Variants in ROBO2 observed in about 807,000 individuals in gnomAD.
ROBO2 encodes roundabout guidance receptor 2.
In ROBO2, 53 loss-of-function variants were observed where a neutral mutation model predicts 160.8. That is an observed-to-expected ratio of 0.33 (90% CI 0.26 to 0.41). The LOEUF is 0.41. Ranked by LOEUF, ROBO2 falls within the 10% of genes least tolerant of loss-of-function variation. The pLI, the probability that ROBO2 is intolerant of heterozygous loss-of-function variation, is 1.00. For synonymous variants in ROBO2, 664 were observed against 611.7 expected, an observed-to-expected ratio of 1.09 and a Z score of -1.26; for missense variants, 1,577 against 1,722.4, an observed-to-expected ratio of 0.92 and a Z score of 1.49.
At chr3:77,510,038 G>T (rs943699782) in intron 5 of ROBO2, among the ~76,000 whole-genome samples, 2 of 151,966 alleles carry the variant, frequency 1.3e-5, no homozygotes, top group African/African-American at 2.4e-5. Context: ...GAATTCTGGG[G>T]TATAGTTGAG....
intron 2 of ROBO2, among the ~76,000 whole-genome samples, chr3:77,238,573 CTA>C (rs1310286458): frequency 1.3e-5 from 2 of 152,038 alleles, no homozygotes; most frequent in Admixed American, 1.3e-4. Flanking sequence ...AAAAATATTT[CTA>C]TGAGGAACAT....
At chr3:77,317,454 G>T (rs925091224) in intron 2 of ROBO2, 40 of 1,520,276 alleles carry the variant, frequency 2.6e-5, no homozygotes, top group Admixed American at 8.5e-5. Context: ...CGTCACTTTG[G>T]TGGTCTCAGT....
rs2153702946 is a variant in ROBO2 at position 77,617,542 on chromosome 3, T to G, written c.3323T>G (p.Leu1108Trp). The G allele has an allele frequency of 6.2e-7, 1 of 1,614,168 alleles. No homozygotes were observed. The highest frequency in any genetic ancestry group is 8.5e-7 in the Non-Finnish European group (1 of 1,180,002). The stretch of plus-strand genomic sequence containing the variant: ...GACAGTGATAGCTGGTGCCCACCAT[T>G]GCCAGTACAAACTTACTTACACCAA... The change falls in exon 22 of 26, where the codon TTG becomes TGG. Residue 1108 changes from leucine (L) to tryptophan (W), a missense_variant. Physicochemically the swap from Leu to Trp is moderately conservative, Grantham distance 61 (BLOSUM62 -2). Coordinates refer to ENST00000461745, the Ensembl canonical transcript of ROBO2.
chr3:76,989,688 A>C (rs1328762647), intron 2 of ROBO2, among the ~76,000 whole-genome samples: 1 of 152,104 alleles, frequency 6.6e-6, no homozygotes, highest in Non-Finnish European at 1.5e-5. Context: ...TTTTCACCCT[A>C]TTACATTTCC....
At chr3:76,018,112 G>A (rs990614090) in intron 2 of ROBO2, among the ~76,000 whole-genome samples, 6 of 151,838 alleles carry the variant, frequency 4.0e-5, no homozygotes, top group African/African-American at 1.4e-4. Context: ...TAGCAAATGG[G>A]GGATAGATGG....
In ROBO2 at chr3:77,634,851, C is replaced by A. The variant is rs781556883; in HGVS notation, c.3761-19C>A. 25 of 1,612,650 alleles carry A rather than the reference C, an allele frequency of 1.6e-5. No individual in the cohort carries two copies. In the South Asian group the frequency reaches 2.6e-4, roughly 17 times the overall value. ...ATAATGTCATTCTCTAGAACCCATT[C>A]CCTTTATTTTCATTTTAGGAAAAGC... On this transcript the variant is annotated intron_variant, in intron 23 of 25. Coordinates refer to ENST00000461745, the Ensembl canonical transcript of ROBO2.
intron 2 of ROBO2, among the ~76,000 whole-genome samples, chr3:76,877,698 T>A (rs1249751011): frequency 6.6e-6 from 1 of 152,182 alleles, no homozygotes; most frequent in Non-Finnish European, 1.5e-5. Flanking sequence ...CCATAGCAAA[T>A]TACCATAGAC....
At chr3:77,490,375 C>G (rs375113997) in intron 4 of ROBO2, among the ~76,000 whole-genome samples, 1 of 152,216 alleles carries the variant, frequency 6.6e-6, no homozygotes, top group East Asian at 1.9e-4. Flanking sequence ...CAGGCGTGAG[C>G]CACCACGCCC....
intron 2 of ROBO2, among the ~76,000 whole-genome samples, chr3:76,532,520 A>G (rs2108075782): frequency 6.6e-6 from 1 of 152,330 alleles, no homozygotes; most frequent in African/African-American, 2.4e-5. Context: ...TAACTTTTCA[A>G]GAATGATACA....
At chr3:77,373,434 C>G (rs2153478709) in intron 2 of ROBO2, among the ~76,000 whole-genome samples, 1 of 151,896 alleles carries the variant, frequency 6.6e-6, no homozygotes, top group East Asian at 1.9e-4. Flanking sequence ...GTATATCTGT[C>G]TGTCTATCTA....
chr3:76,108,953 TATG>T (rs2070083819), intron 2 of ROBO2, among the ~76,000 whole-genome samples: 2 of 150,592 alleles, frequency 1.3e-5, no homozygotes, highest in Non-Finnish European at 2.9e-5. Context: ...TATAAGGTTA[TATG>T]ATAATAATTT....
chr3:77,006,271 T>C (rs1479268097), intron 2 of ROBO2, among the ~76,000 whole-genome samples: 2 of 151,326 alleles, frequency 1.3e-5, no homozygotes, highest in Non-Finnish European at 2.9e-5. Context: ...ATAATGTATA[T>C]ACTGGCCAAA....
intron 2 of ROBO2, among the ~76,000 whole-genome samples, chr3:77,395,092 G>T (rs1025181145): frequency 6.6e-6 from 1 of 152,232 alleles, no homozygotes; most frequent in South Asian, 2.1e-4. Flanking sequence ...TAACGGAAGA[G>T]TTCAGAGCGT....
At chr3:76,288,483 T>TC (rs1441036270) in intron 2 of ROBO2, among the ~76,000 whole-genome samples, 1 of 145,316 alleles carries the variant, frequency 6.9e-6, no homozygotes, top group Non-Finnish European at 1.5e-5. Flanking sequence ...AGACTAGATC[T>TC]TTTTTTTTTT....
intron 2 of ROBO2, among the ~76,000 whole-genome samples, chr3:76,805,835 A>T (rs1228589205): frequency 6.6e-6 from 1 of 151,948 alleles, no homozygotes; most frequent in African/African-American, 2.4e-5. Flanking sequence ...TTGGTGTCTT[A>T]AATTAAAGTC....
At chr3:77,223,535 G>A (rs1156295256) in intron 2 of ROBO2, among the ~76,000 whole-genome samples, 2 of 152,014 alleles carry the variant, frequency 1.3e-5, no homozygotes, top group African/African-American at 4.8e-5. Context: ...CACCTACTCT[G>A]TTCCATGCAA....
At chr3:76,205,380 G>A (rs531293783) in intron 2 of ROBO2, among the ~76,000 whole-genome samples, 33 of 152,214 alleles carry the variant, frequency 2.2e-4, no homozygotes, top group African/African-American at 7.9e-4. Context: ...AAAGAGAAAA[G>A]TCAGTGGGCA....
intron 2 of ROBO2, among the ~76,000 whole-genome samples, chr3:76,407,036 G>A (rs1311380571): frequency 2.2e-5 from 3 of 134,904 alleles, no homozygotes; most frequent in South Asian, 2.5e-4. Context: ...ACTACTTTAC[G>A]CCTTGCTTAC....
chr3:77,187,186 ATAGGT>A (rs2081363803), intron 2 of ROBO2, among the ~76,000 whole-genome samples: 2 of 152,026 alleles, frequency 1.3e-5, no homozygotes, highest in South Asian at 2.1e-4. Flanking sequence ...TATGAAGTGG[ATAGGT>A]TAGAAGAATA....
Sources: allele counts gnomAD v4.1 joint callset (sites outside exome capture counted in the v4.1 genomes callset), GRCh38; gene constraint gnomAD v4.1.1; transcripts MANE v1.5; gene names NCBI Gene and HGNC (gene_info 2026-07-23, HGNC 2026-07-21).